Variants in CALD1 observed in about 807,000 individuals in gnomAD.
CALD1 encodes the protein caldesmon.
A neutral mutation model predicts 99.9 loss-of-function variants in CALD1; 33 were observed. That is an observed-to-expected ratio of 0.33 (90% CI 0.25 to 0.44). The LOEUF (loss-of-function observed/expected upper bound fraction) is 0.44, where lower values mean the gene tolerates loss of function less well. Ranked by LOEUF, CALD1 falls within the 20% of genes least tolerant of loss-of-function variation. The pLI, the probability that CALD1 is intolerant of heterozygous loss-of-function variation, is 1.00. For synonymous variants in CALD1, 310 were observed against 325.0 expected (o/e 0.95, Z 0.50); for missense variants, 861 against 962.1 (o/e 0.89, Z 1.39).
chr7:134,741,257 C>T (rs918562836), upstream of CALD1, among the ~76,000 whole-genome samples: 5 of 151,846 alleles, frequency 3.3e-5, no homozygotes, highest in Non-Finnish European at 7.3e-5. Context: ...GAAGCAAATA[C>T]GTCCTTCTTC....
intron 3 of CALD1, among the ~76,000 whole-genome samples, chr7:134,884,144 G>T (rs868331899): frequency 6.6e-6 from 1 of 151,910 alleles, no homozygotes; most frequent in African/African-American, 2.4e-5. Flanking sequence ...GAAGAAGCCT[G>T]CATGTCTGCC....
At chr7:134,882,598 C>A (rs1801656546) in intron 3 of CALD1, among the ~76,000 whole-genome samples, 2 of 152,222 alleles carry the variant, frequency 1.3e-5, no homozygotes, top group Admixed American at 6.5e-5. Context: ...ACTGTATAAT[C>A]AAAAATTTCT....
the CALD1 span, among the ~76,000 whole-genome samples, chr7:134,732,535 C>T: frequency 0.66 from 100,238 of 151,750 alleles, 33,611 homozygotes; most frequent in East Asian, 0.89. Context: ...CTATAAGGAA[C>T]AGGCCCTCAT....
chr7:134,952,249 C>T (rs1411532453), intron 9 of CALD1, among the ~76,000 whole-genome samples: 4 of 151,674 alleles, frequency 2.6e-5, no homozygotes, highest in Admixed American at 1.3e-4. Flanking sequence ...TACAGTGAGC[C>T]GAGATCGTGC....
chr7:134,915,492 C>T (rs183137948), intron 3 of CALD1, among the ~76,000 whole-genome samples: 4 of 152,122 alleles, frequency 2.6e-5, no homozygotes, highest in Non-Finnish European at 5.9e-5. Context: ...ACAGCATAAG[C>T]CTTATTGGTT....
intron 9 of CALD1, among the ~76,000 whole-genome samples, chr7:134,953,657 T>G (rs1210027030): frequency 9.4e-6 from 1 of 106,930 alleles, no homozygotes; most frequent in Non-Finnish European, 2.1e-5. Context: ...TCTACTGTGG[T>G]TTTTTTTTTT....
intron 9 of CALD1, 79 bp from the exon 10 acceptor site, chr7:134,957,990 A>G (rs1350862725): frequency 9.7e-7 from 1 of 1,034,718 alleles, no homozygotes; most frequent in African/African-American, 1.6e-5. Context: ...AGGTTCAGGG[A>G]TGATATTGGC....
At chr7:134,962,347 G>A (rs1808333224) in intron 13 of CALD1, 1 of 143,706 alleles carries the variant, frequency 7.0e-6, no homozygotes, top group East Asian at 1.9e-4. Flanking sequence ...ACCATGTTCT[G>A]GGGTTATTGA....
chr7:134,903,472 T>A (rs1803139257), intron 3 of CALD1, among the ~76,000 whole-genome samples: 1 of 152,082 alleles, frequency 6.6e-6, no homozygotes, highest in Non-Finnish European at 1.5e-5. Flanking sequence ...ATAAAATCTT[T>A]AAAAATAAAT....
At position 134,951,591 on chromosome 7, in the gene CALD1, A is replaced by T. The variant is rs575654239; in HGVS notation, c.1935+1077A>T. The stretch of plus-strand genomic sequence containing the variant: ...TTATTATGGGAGGAGGTGAAATGTG[A>T]CTTGGAAAGGGTCCTTTTCCAGGAT... On this transcript the variant is annotated intron_variant, in intron 9 of 14. Coordinates refer to ENST00000361675, the MANE Select transcript of CALD1 (RefSeq NM_033138.4). Among the ~76,000 whole-genome samples the T allele has an allele frequency of 7.7e-4, 117 of 152,314 alleles. 1 individual carries two copies. Among genetic ancestry groups the T allele is most frequent in the African/African-American group, 2.8e-3 (116 of 41,576 alleles).
the CALD1 span, among the ~76,000 whole-genome samples, chr7:134,727,047 A>G: frequency 6.6e-6 from 1 of 152,314 alleles, no homozygotes; most frequent in East Asian, 1.9e-4. Context: ...GGAAGAGCTC[A>G]GTCATATTCT....
At chr7:134,729,695 A>C in the CALD1 span, among the ~76,000 whole-genome samples, 1 of 152,224 alleles carries the variant, frequency 6.6e-6, no homozygotes, top group Non-Finnish European at 1.5e-5. Context: ...TGAAGAAGTC[A>C]CCAATAAAAC....
At chr7:134,836,143 CAAAAAAAAAAAA>C (rs377048601) in intron 1 of CALD1, among the ~76,000 whole-genome samples, 4 of 68,576 alleles carry the variant, frequency 5.8e-5, no homozygotes, top group African/African-American at 1.1e-4. Context: ...GACTTCATCT[CAAAAAAAAAAAA>C]AAAAAAAAAA....
chr7:134,903,096 T>C (rs1199684025), intron 3 of CALD1, among the ~76,000 whole-genome samples: 3 of 152,140 alleles, frequency 2.0e-5, no homozygotes, highest in Non-Finnish European at 4.4e-5. Flanking sequence ...TCCAACTATG[T>C]GACATTCTGA....
At chr7:134,822,780 T>G (rs1370716008) in intron 1 of CALD1, among the ~76,000 whole-genome samples, 1 of 152,200 alleles carries the variant, frequency 6.6e-6, no homozygotes, top group Non-Finnish European at 1.5e-5. Flanking sequence ...TAAGTATGGT[T>G]TTCATTCATT....
chr7:134,935,111 A>G (rs1805858806), intron 5 of CALD1, among the ~76,000 whole-genome samples: 1 of 152,108 alleles, frequency 6.6e-6, no homozygotes, highest in Non-Finnish European at 1.5e-5. Context: ...CTGCTTCTTT[A>G]TTATCTGGGT....
intron 2 of CALD1, among the ~76,000 whole-genome samples, chr7:134,857,663 A>G (rs377470163): frequency 1.3e-5 from 2 of 152,178 alleles, no homozygotes; most frequent in Non-Finnish European, 2.9e-5. Flanking sequence ...TGCTTAAATT[A>G]TATGTCTGTT....
chr7:134,728,845 C>CTTTTTT, the CALD1 span, among the ~76,000 whole-genome samples: 189 of 124,162 alleles, frequency 1.5e-3, no homozygotes, highest in Non-Finnish European at 1.9e-3. Flanking sequence ...TATACCTTTT[C>CTTTTTT]TTTTTTTTTT....
At chr7:134,952,750 T>C (rs1807455612) in intron 9 of CALD1, among the ~76,000 whole-genome samples, 1 of 152,114 alleles carries the variant, frequency 6.6e-6, no homozygotes, top group South Asian at 2.1e-4. Flanking sequence ...ATTACACGCA[T>C]GAGCCACCAT....
Sources: gnomAD v4.1 joint callset for allele counts (sites outside exome capture counted in the v4.1 genomes callset) on GRCh38, gnomAD v4.1.1 for gene constraint, MANE v1.5 for transcripts, NCBI Gene and HGNC (gene_info 2026-07-23, HGNC 2026-07-21) for gene names.